Variants in TSPEAR observed in about 807,000 individuals in gnomAD.
TSPEAR encodes the protein thrombospondin type laminin G domain and EAR repeats, also known as thrombospondin-type laminin G domain and EAR repeat-containing protein.
In TSPEAR, 69 loss-of-function variants were observed where a neutral mutation model predicts 71.6. The ratio of observed to expected loss-of-function variants is 0.96; its 90% confidence interval spans 0.79 to 1.18. The LOEUF is 1.18. TSPEAR is among the 50% of genes most tolerant of loss of function. The probability of loss-of-function intolerance (pLI) is 0.00; values close to 1 mark genes in which losing one functional copy is unlikely to be tolerated. For missense variants in TSPEAR, 971 were observed against 894.9 expected, an observed-to-expected ratio of 1.09 and a Z score of -1.09; for synonymous variants, 402 against 387.2, an observed-to-expected ratio of 1.04 and a Z score of -0.45.
Position 44,623,139 on chromosome 21 carries a change from A to C in TSPEAR, c.83-55134T>G, listed in dbSNP as rs587640756. On this transcript the variant is annotated intron_variant, in intron 1 of 11. Transcript: ENST00000323084. This position sits in a 1 kb window ranked among gnomAD's most constrained non-coding sequence, Gnocchi z 4.5. The stretch of plus-strand genomic sequence containing the variant: ...TGAGCCAACTAAACTTTCGTCTTAT[A>C]AATTACCCAGTCTCAAATATTTCTT... 2.4e-4 allele frequency among the ~76,000 whole-genome samples: 37 copies of C among 152,292 alleles called. No homozygotes were observed. Among genetic ancestry groups the C allele is most frequent in the African/African-American group, 8.9e-4 (37 of 41,554 alleles).
At chr21:44,517,466 A>G (rs1399790048) in intron 9 of TSPEAR, 19 of 276,832 alleles carry the variant, frequency 6.9e-5, no homozygotes, top group Non-Finnish European at 1.1e-4. Flanking sequence ...GGACGTGAGC[A>G]CAGGTCCAGC....
At chr21:44,589,945 C>G (rs1555926195) in intron 1 of TSPEAR, among the ~76,000 whole-genome samples, 1 of 152,266 alleles carries the variant, frequency 6.6e-6, no homozygotes, top group Non-Finnish European at 1.5e-5. Context: ...AAGAAAACAT[C>G]TCTGCCCCTG....
intron 1 of TSPEAR, among the ~76,000 whole-genome samples, chr21:44,655,378 A>G (rs1985083592): frequency 6.6e-6 from 1 of 152,236 alleles, no homozygotes; most frequent in African/African-American, 2.4e-5. Context: ...CAGCTCGGAC[A>G]GAGAAGATGG....
In TSPEAR at chr21:44,627,811, G is replaced by A. The variant is rs78393062; in HGVS notation, c.83-59806C>T. On this transcript the variant is annotated intron_variant, in intron 1 of 11. Transcript: ENST00000323084. Reference sequence around the variant, plus strand: ...TTCCTCTTTGTGCTGCCAGCAGTCTGGCTGCCAGCCGGCTTGCTGCACCAC... The same window carrying A: ...TTCCTCTTTGTGCTGCCAGCAGTCTAGCTGCCAGCCGGCTTGCTGCACCAC... The A allele has an allele frequency of 4.6e-3, 7,415 of 1,604,320 alleles. 116 individuals carry two copies. The African/African-American group carries it at 0.054, about 12-fold the overall frequency.
intron 2 of TSPEAR, chr21:44,550,697 G>T (rs782045404): frequency 1.9e-6 from 3 of 1,613,778 alleles, no homozygotes; most frequent in Non-Finnish European, 1.7e-6. Flanking sequence ...GCCATCAGCA[G>T]CTAGACTTTT....
intron 1 of TSPEAR, among the ~76,000 whole-genome samples, chr21:44,635,116 G>A (rs782786843): frequency 6.6e-6 from 1 of 152,022 alleles, no homozygotes; most frequent in Non-Finnish European, 1.5e-5. Flanking sequence ...AGGCCGAGGC[G>A]GGAGGATCAC....
rs992058191 is a variant in TSPEAR at position 44,695,381 on chromosome 21, G to A, written c.82+16052C>T. On this transcript the variant is annotated intron_variant, in intron 1 of 11. Coordinates refer to ENST00000323084, the MANE Select transcript of TSPEAR (RefSeq NM_144991.3). The surrounding 1 kb of genome is among the most constrained non-coding windows in gnomAD (Gnocchi z 4.5). ...TTCTCAGACCTTCTACTGAGAGGTC[G>A]GGGGTCGGGTCATGACACACAGCAG... Among the ~76,000 whole-genome samples the A allele has an allele frequency of 1.3e-5, 2 of 152,096 alleles. No homozygotes were observed. Among genetic ancestry groups the A allele is most frequent in the African/African-American group, 4.8e-5 (2 of 41,396 alleles).
intron 1 of TSPEAR, among the ~76,000 whole-genome samples, chr21:44,579,056 A>G (rs420894): frequency 0.92 from 139,383 of 152,156 alleles, 64,256 homozygotes; most frequent in Non-Finnish European, 0.97. Context: ...CATTGCTGCT[A>G]AGCGGGCAGA....
chr21:44,572,316 C>T (rs2053813345), intron 1 of TSPEAR, among the ~76,000 whole-genome samples: 1 of 152,192 alleles, frequency 6.6e-6, no homozygotes, highest in Non-Finnish European at 1.5e-5. Context: ...GGTGCAGCTG[C>T]CTAAAGACCG....
chr21:44,599,131 ATT>A (rs200062880), intron 1 of TSPEAR, among the ~76,000 whole-genome samples: 11,583 of 31,092 alleles, frequency 0.37, 717 homozygotes, highest in South Asian at 0.5. Context: ...AGAGGCCCCC[ATT>A]TTCTCTCTCT....
chr21:44,579,377 T>G, intron 1 of TSPEAR: 1 of 287,734 alleles, frequency 3.5e-6, no homozygotes, highest in Non-Finnish European at 6.5e-6. Context: ...AAGTCACTCA[T>G]TCATAGAAAC....
chr21:44,706,795 C>T (rs1207830350), intron 1 of TSPEAR, among the ~76,000 whole-genome samples: 4 of 152,194 alleles, frequency 2.6e-5, no homozygotes, highest in Admixed American at 6.5e-5. Context: ...TTTTCTTCGG[C>T]GCCCCTGAGC....
At chr21:44,534,028 A>C in intron 2 of TSPEAR, 105 bp from the exon 3 acceptor site, 1 of 831,370 alleles carries the variant, frequency 1.2e-6, no homozygotes, top group Non-Finnish European at 1.9e-6. Flanking sequence ...TGGTGAGAGG[A>C]GCAGGGGCTG....
chr21:44,591,187 G>A (rs587756232), intron 1 of TSPEAR: 471 of 1,086,068 alleles, frequency 4.3e-4, no homozygotes, highest in Admixed American at 1.5e-3. Context: ...GGTTAGTTCT[G>A]CAGAACTTGG....
intron 1 of TSPEAR, chr21:44,686,223 G>C (rs1411097079): frequency 2.6e-5 from 4 of 152,520 alleles, no homozygotes; most frequent in African/African-American, 9.6e-5. Flanking sequence ...GGTCTGCTGA[G>C]TCATGGGAAC....
At chr21:44,560,664 C>A (rs2053619104) in intron 2 of TSPEAR, among the ~76,000 whole-genome samples, 1 of 152,130 alleles carries the variant, frequency 6.6e-6, no homozygotes, top group Admixed American at 6.5e-5. Context: ...AATTAGATCT[C>A]AAGATTAAGA....
chr21:44,569,837 G>T (rs2053765007), intron 1 of TSPEAR, among the ~76,000 whole-genome samples: 1 of 152,074 alleles, frequency 6.6e-6, no homozygotes. Context: ...GGCTGACTCT[G>T]GGAGGATTCT....
chr21:44,539,626 G>T (rs199635797), intron 2 of TSPEAR: 1,085 of 1,613,578 alleles, frequency 6.7e-4, no homozygotes, highest in Non-Finnish European at 8.4e-4. Context: ...AGGGGGAGGA[G>T]GTGCAGCAAG....
chr21:44,500,437 A>G (rs747746957), intron 11 of TSPEAR, among the ~76,000 whole-genome samples: 122 of 152,356 alleles, frequency 8.0e-4, no homozygotes, highest in Non-Finnish European at 9.4e-4. Flanking sequence ...TTTGCCTTCA[A>G]AAGGACTCAT....
Sources: gnomAD v4.1 joint callset for allele counts (sites outside exome capture counted in the v4.1 genomes callset) on GRCh38, gnomAD v4.1.1 for gene constraint, Gnocchi (gnomAD v3.1) non-coding constraint, MANE v1.5 for transcripts, NCBI Gene and HGNC (gene_info 2026-07-23, HGNC 2026-07-21) for gene names.